POLN: variants seen among roughly 807,000 people sequenced by gnomAD.
POLN encodes the protein DNA polymerase N.
In POLN, 108 loss-of-function variants were observed where a neutral mutation model predicts 113.5. The observed-to-expected ratio is 0.95, with a 90% CI of 0.81 to 1.12. The LOEUF (loss-of-function observed/expected upper bound fraction) is 1.12, where lower values mean the gene tolerates loss of function less well. POLN is among the 50% of genes most tolerant of loss of function. The pLI is 0.00. For synonymous variants in POLN, 386 were observed against 391.5 expected, an observed-to-expected ratio of 0.99 and a Z score of 0.17; for missense variants, 1,097 against 1,077.1, an observed-to-expected ratio of 1.02 and a Z score of -0.26.
chr4:2,183,653 A>C (rs1166905240), intron 7 of POLN, among the ~76,000 whole-genome samples: 1 of 152,136 alleles, frequency 6.6e-6, no homozygotes, highest in African/African-American at 2.4e-5. Flanking sequence ...TGCTTGCCAG[A>C]GTCTGAGAAA....
At chr4:2,216,804 G>A (rs749672664) in intron 3 of POLN, among the ~76,000 whole-genome samples, 1 of 152,208 alleles carries the variant, frequency 6.6e-6, no homozygotes, top group Non-Finnish European at 1.5e-5. Flanking sequence ...AGGTACAACT[G>A]GGGACTCAGT....
At chr4:2,097,361 T>G (rs898681642) in intron 19 of POLN, among the ~76,000 whole-genome samples, 1 of 147,604 alleles carries the variant, frequency 6.8e-6, no homozygotes, top group Non-Finnish European at 1.5e-5. Flanking sequence ...TACCATTTTT[T>G]TTTTTTTGAG....
At chr4:2,128,939 C>A (rs1208773563) in intron 18 of POLN, among the ~76,000 whole-genome samples, 3 of 151,454 alleles carry the variant, frequency 2.0e-5, no homozygotes, top group African/African-American at 7.3e-5. Flanking sequence ...CCTGTAACCC[C>A]AGTTACTTGG....
At chr4:2,138,059 C>T (rs1298041798) in intron 16 of POLN, among the ~76,000 whole-genome samples, 1 of 152,104 alleles carries the variant, frequency 6.6e-6, no homozygotes, top group Non-Finnish European at 1.5e-5. Context: ...GGTTGGTCTC[C>T]AACTCCTGAC....
rs115817145 is a variant in POLN at position 2,172,346 on chromosome 4, C to G, written c.1375-1165G>C. Among the ~76,000 whole-genome samples the G allele has an allele frequency of 3.7e-3, 565 of 152,334 alleles. 4 individuals carry two copies. The highest frequency in any genetic ancestry group is 0.013 in the African/African-American group (545 of 41,558). On this transcript the variant is annotated intron_variant, in intron 11 of 25. Coordinates refer to ENST00000511885, the MANE Select transcript of POLN (RefSeq NM_181808.4). Reference sequence around the variant, plus strand: ...TGCCAGTGCTGCACCTTCTGAAGAGCGACAACCAATGAGCTCAACGGACTC... The same window carrying G: ...TGCCAGTGCTGCACCTTCTGAAGAGGGACAACCAATGAGCTCAACGGACTC...
intron 8 of POLN, among the ~76,000 whole-genome samples, chr4:2,176,775 C>T (rs1374606820): frequency 6.6e-6 from 1 of 152,122 alleles, no homozygotes; most frequent in African/African-American, 2.4e-5. Flanking sequence ...CCATTCTCAC[C>T]CCAGGAGATG....
chr4:2,234,080 T>C (rs946561004), intron 2 of POLN, among the ~76,000 whole-genome samples: 4 of 152,090 alleles, frequency 2.6e-5, no homozygotes, highest in Non-Finnish European at 5.9e-5. Context: ...ACTATCAAAA[T>C]ACCCAGTAAC....
At chr4:2,210,582 A>AAATAATAAT (rs376506693) in intron 4 of POLN, among the ~76,000 whole-genome samples, 4 of 121,148 alleles carry the variant, frequency 3.3e-5, no homozygotes, top group Non-Finnish European at 4.9e-5. Context: ...GAAAGTCTCA[A>AAATAATAAT]AATAATAATA....
At chr4:2,082,782 C>G (rs34887417) in intron 21 of POLN, 1 of 152,256 alleles carries the variant, frequency 6.6e-6, no homozygotes, top group Admixed American at 6.5e-5. Context: ...GCTGCTTTGT[C>G]GGTCTAGTGA....
chr4:2,113,802 G>A (rs1443643141), intron 19 of POLN, among the ~76,000 whole-genome samples: 2 of 151,250 alleles, frequency 1.3e-5, no homozygotes, highest in South Asian at 2.1e-4. Flanking sequence ...AGGTTGCAGT[G>A]AGCTGAGATT....
chr4:2,167,355 A>G (rs1732754445), intron 13 of POLN, among the ~76,000 whole-genome samples: 1 of 152,108 alleles, frequency 6.6e-6, no homozygotes, highest in Non-Finnish European at 1.5e-5. Flanking sequence ...AAAACACCAA[A>G]GCTTCCTTCA....
chr4:2,173,946 A>G lies in POLN; in HGVS notation c.1374+9T>C, dbSNP rs2108748453. The G allele has an allele frequency of 1.2e-6, 2 of 1,613,854 alleles. No individual in the cohort carries two copies. Among genetic ancestry groups the G allele is most frequent in the Non-Finnish European group, 8.5e-7 (1 of 1,179,724 alleles). The stretch of plus-strand genomic sequence containing the variant: ...TGGCCAGTACAAACCATCTGGAATA[A>G]TAACTTACCCCAAGAAGTGCTGACG... On this transcript the variant is annotated intron_variant, in intron 11 of 25. Transcript: ENST00000511885.
intron 20 of POLN, chr4:2,088,874 C>T (rs1320888854): frequency 2.7e-5 from 40 of 1,454,958 alleles, no homozygotes; most frequent in Non-Finnish European, 3.4e-5. Flanking sequence ...GTCAAGGGTG[C>T]GTCGCTTGCA....
intron 20 of POLN, among the ~76,000 whole-genome samples, chr4:2,092,326 C>G (rs1730687468): frequency 6.6e-6 from 1 of 152,256 alleles, no homozygotes; most frequent in African/African-American, 2.4e-5. Flanking sequence ...GCCATAAACA[C>G]TCAGATCAAG....
chr4:2,229,750 A>G (rs35874601), intron 2 of POLN: 12,972 of 152,194 alleles, frequency 0.085, 847 homozygotes, highest in African/African-American at 0.17. Flanking sequence ...GTGAACCCAG[A>G]AGGCAGAGGT....
At position 2,131,243 on chromosome 4, in the gene POLN, C is replaced by A; in HGVS notation, c.1779G>T (p.Lys593Asn). Residue 593 changes from lysine (K) to asparagine (N), a missense_variant, in exon 17 of 26, where the codon AAG (lysine) becomes AAT (asparagine). Transcript: ENST00000511885. ...TAAGAAATGAGTTACCTTTAAAATT[C>A]TTAGGTGTAGTAATCTGAATTGGGT... ...SKHPIQITTP[K>N]NFKGKEDKIL... 1 of 1,588,760 alleles carries A rather than the reference C, an allele frequency of 6.3e-7. No homozygotes were observed. The highest frequency in any genetic ancestry group is 1.3e-5 in the African/African-American group (1 of 74,376).
rs1342743046 is a variant in POLN, at chr4:2,242,072, C to G, written c.-305G>C. Reference sequence around the variant, plus strand: ...TCACCTCAGGAAGTTCCGCTTGCTTCTCGCAGGAGCCCGCCGCCACCGCCC... The same window carrying G: ...TCACCTCAGGAAGTTCCGCTTGCTTGTCGCAGGAGCCCGCCGCCACCGCCC... On this transcript the variant is annotated 5_prime_UTR_variant, in exon 1 of 26. Transcript: ENST00000511885. 1.0e-6 allele frequency: 1 copy of G among 985,654 alleles called. No individual in the cohort carries two copies. Among genetic ancestry groups the G allele is most frequent in the Non-Finnish European group, 1.2e-6 (1 of 830,176 alleles). The allele number at this position is 985,654 out of a possible 1,614,324, so 61.1% of individuals were successfully genotyped here.
chr4:2,138,124 A>G (rs575031686), intron 16 of POLN, among the ~76,000 whole-genome samples: 2 of 152,336 alleles, frequency 1.3e-5, no homozygotes, highest in South Asian at 4.1e-4. Context: ...GGCATGAGCC[A>G]CTGTGCCCAG....
rs559223824 is a variant in POLN, at chr4:2,118,356, G to A, written c.1982+9757C>T. Among the ~76,000 whole-genome samples, 12 of 152,164 alleles carry A rather than the reference G, an allele frequency of 7.9e-5. No homozygotes were observed. The South Asian group carries it at 1.0e-3, about 13-fold the overall frequency. On this transcript the variant is annotated intron_variant, in intron 19 of 25. Transcript: ENST00000511885. ...TTACTGGCTGGACATGAGAATCATC[G>A]ATATATTTAAATGTGCAAGACTCCA...
Sources: gnomAD v4.1 joint callset for allele counts (sites outside exome capture counted in the v4.1 genomes callset) on GRCh38, gnomAD v4.1.1 for gene constraint, MANE v1.5 for transcripts, NCBI Gene and HGNC (gene_info 2026-07-23, HGNC 2026-07-21) for gene names.